Variants in LRRTM3 observed in about 807,000 individuals in gnomAD.
LRRTM3 encodes leucine rich repeat transmembrane neuronal 3.
A neutral mutation model predicts 44.7 loss-of-function variants in LRRTM3; 24 were observed. That is an observed-to-expected ratio of 0.54 (90% CI 0.39 to 0.76). LRRTM3 has a LOEUF of 0.76. Among genes scored for constraint, LRRTM3 ranks in the 30% least tolerant of loss-of-function variants. LRRTM3 has a pLI of 0.00. For synonymous variants in LRRTM3, 277 were observed against 278.7 expected, an observed-to-expected ratio of 0.99 and a Z score of 0.06; for missense variants, 587 against 702.2, an observed-to-expected ratio of 0.84 and a Z score of 1.85.
intron 2 of LRRTM3, among the ~76,000 whole-genome samples, chr10:67,079,286 A>G (rs950624589): frequency 6.6e-6 from 1 of 152,180 alleles, no homozygotes; most frequent in Non-Finnish European, 1.5e-5. Flanking sequence ...AAACTATCAT[A>G]AATACAGACA....
chr10:66,939,492 A>T (rs1385679536), intron 2 of LRRTM3, among the ~76,000 whole-genome samples: 1 of 152,216 alleles, frequency 6.6e-6, no homozygotes, highest in South Asian at 2.1e-4. Context: ...GGAGGGAAAA[A>T]TTCTATTTGT....
chr10:67,024,917 G>T lies in LRRTM3; in HGVS notation c.1537-72670G>T, dbSNP rs560642377. ...GGGCCAAGGCGGGCGGATCACCTGA[G>T]GTCCGGAGTTTGAGACCAGCCTGAC... On this transcript the variant is annotated intron_variant, in intron 2 of 2. Transcript: ENST00000361320. Among the ~76,000 whole-genome samples, 7 of 152,134 alleles carry T rather than the reference G, an allele frequency of 4.6e-5. No individual in the cohort carries two copies. In the South Asian group the frequency reaches 1.5e-3, roughly 32 times the overall value.
At chr10:66,984,721 CTTAAATGACTT>C (rs1409202797) in intron 2 of LRRTM3, among the ~76,000 whole-genome samples, 1 of 152,010 alleles carries the variant, frequency 6.6e-6, no homozygotes, top group Non-Finnish European at 1.5e-5. Context: ...TAAAGTCACA[CTTAAATGACTT>C]AAGAAAATGT....
At chr10:67,030,478 T>A (rs1181029500) in intron 2 of LRRTM3, among the ~76,000 whole-genome samples, 1 of 152,092 alleles carries the variant, frequency 6.6e-6, no homozygotes, top group African/African-American at 2.4e-5. Context: ...GTATATAATA[T>A]ATTCACACCC....
chr10:67,012,537 CA>C (rs1376739386), intron 2 of LRRTM3, among the ~76,000 whole-genome samples: 6 of 152,092 alleles, frequency 3.9e-5, no homozygotes, highest in Non-Finnish European at 8.8e-5. Context: ...AGCTTTATTT[CA>C]AAAAGCATCA....
chr10:67,091,066 TTTC>T, intron 2 of LRRTM3, among the ~76,000 whole-genome samples: 1 of 152,050 alleles, frequency 6.6e-6, no homozygotes, highest in Non-Finnish European at 1.5e-5. Context: ...AAGGGACAGC[TTTC>T]TATTTTGACT....
At chr10:67,042,464 G>A (rs1854456871) in intron 2 of LRRTM3, among the ~76,000 whole-genome samples, 1 of 152,146 alleles carries the variant, frequency 6.6e-6, no homozygotes, top group South Asian at 2.1e-4. Context: ...TAAGCATGTA[G>A]ATTTTTAGAT....
chr10:67,042,573 G>T (rs539476258), intron 2 of LRRTM3, among the ~76,000 whole-genome samples: 1 of 151,888 alleles, frequency 6.6e-6, no homozygotes, highest in African/African-American at 2.4e-5. Context: ...GGTAAGAAAA[G>T]GGCTTGATGA....
intron 2 of LRRTM3, among the ~76,000 whole-genome samples, chr10:66,938,494 A>G (rs1847836927): frequency 2.0e-5 from 3 of 152,232 alleles, no homozygotes; most frequent in Non-Finnish European, 4.4e-5. Flanking sequence ...TTTATTATTC[A>G]TTAAGCGAAA....
At chr10:67,071,632 G>C (rs1387561364) in intron 2 of LRRTM3, among the ~76,000 whole-genome samples, 1 of 151,802 alleles carries the variant, frequency 6.6e-6, no homozygotes, top group African/African-American at 2.4e-5. Context: ...TAAACTTCTT[G>C]AACTTGTGTG....
chr10:67,051,414 A>G (rs912756911), intron 2 of LRRTM3, among the ~76,000 whole-genome samples: 2 of 152,158 alleles, frequency 1.3e-5, no homozygotes, highest in African/African-American at 4.8e-5. Flanking sequence ...TAATAAGCCA[A>G]GAAATGCTAT....
At chr10:67,063,749 C>T (rs1855899977) in intron 2 of LRRTM3, among the ~76,000 whole-genome samples, 2 of 152,212 alleles carry the variant, frequency 1.3e-5, no homozygotes, top group Admixed American at 1.3e-4. Flanking sequence ...TAAACTCTTA[C>T]ATACTCTCTT....
At chr10:66,973,605 A>G (rs200594004) in intron 2 of LRRTM3, among the ~76,000 whole-genome samples, 1 of 152,138 alleles carries the variant, frequency 6.6e-6, no homozygotes, top group Admixed American at 6.5e-5. Flanking sequence ...TACACTCTCA[A>G]ATAATTTTGT....
intron 2 of LRRTM3, among the ~76,000 whole-genome samples, chr10:67,029,981 C>A (rs1260001667): frequency 1.3e-5 from 2 of 152,214 alleles, no homozygotes; most frequent in African/African-American, 4.8e-5. Flanking sequence ...CCAAATCCTT[C>A]ATAAATGCAT....
rs552260951 is a variant in LRRTM3 at position 66,965,632 on chromosome 10, G to A, written c.1536+37180G>A. On this transcript the variant is annotated intron_variant, in intron 2 of 2. Coordinates refer to ENST00000361320, the MANE Select transcript of LRRTM3 (RefSeq NM_178011.5). Reference sequence around the variant, plus strand: ...AGGAGGGCAAGACAGTTCCCAAAATGTCTAACGAACTTCCACGTAGAGAAA... The same window carrying A: ...AGGAGGGCAAGACAGTTCCCAAAATATCTAACGAACTTCCACGTAGAGAAA... Among the ~76,000 whole-genome samples the A allele has an allele frequency of 2.0e-5, 3 of 149,538 alleles. No homozygotes were observed. In the South Asian group the frequency reaches 6.3e-4, roughly 32 times the overall value.
intron 2 of LRRTM3, among the ~76,000 whole-genome samples, chr10:66,936,656 G>A (rs1341984676): frequency 6.6e-6 from 1 of 152,102 alleles, no homozygotes; most frequent in African/African-American, 2.4e-5. Flanking sequence ...GAACTCTACA[G>A]CGCAATCTAG....
At chr10:67,002,007 G>A (rs550946131) in intron 2 of LRRTM3, among the ~76,000 whole-genome samples, 1 of 152,250 alleles carries the variant, frequency 6.6e-6, no homozygotes, top group South Asian at 2.1e-4. Flanking sequence ...AGAGTCCGAA[G>A]ACCTAGGTTC....
intron 2 of LRRTM3, among the ~76,000 whole-genome samples, chr10:67,050,693 G>T (rs1031665933): frequency 1.3e-5 from 2 of 152,110 alleles, no homozygotes; most frequent in African/African-American, 4.8e-5. Flanking sequence ...ACAGCAAAAG[G>T]AATTTACTGA....
intron 2 of LRRTM3, among the ~76,000 whole-genome samples, chr10:66,948,720 C>T (rs1003932327): frequency 6.6e-6 from 1 of 152,104 alleles, no homozygotes; most frequent in Non-Finnish European, 1.5e-5. Flanking sequence ...TGAAATTGAA[C>T]ATATTAAATG....
Sources: gnomAD v4.1 joint callset for allele counts (sites outside exome capture counted in the v4.1 genomes callset) on GRCh38, gnomAD v4.1.1 for gene constraint, MANE v1.5 for transcripts, NCBI Gene and HGNC (gene_info 2026-07-23, HGNC 2026-07-21) for gene names.